CSMD3: variants seen among roughly 807,000 people sequenced by gnomAD.
CSMD3 encodes the protein CUB and Sushi multiple domains 3.
Under a neutral mutation model 435.2 loss-of-function variants are expected in CSMD3, and 177 were observed. That is an observed-to-expected ratio of 0.41 (90% CI 0.36 to 0.46). The LOEUF (loss-of-function observed/expected upper bound fraction) is 0.46, where lower values mean the gene tolerates loss of function less well. CSMD3 is among the 20% of genes least tolerant of loss of function. The pLI is 0.34. For missense variants in CSMD3, 4,265 were observed against 4,504.6 expected, an observed-to-expected ratio of 0.95 and a Z score of 1.52; for synonymous variants, 1,656 against 1,520.5, an observed-to-expected ratio of 1.09 and a Z score of -2.07.
At chr8:112,300,877 G>A (rs1225588403) in intron 53 of CSMD3, among the ~76,000 whole-genome samples, 3 of 152,056 alleles carry the variant, frequency 2.0e-5, no homozygotes, top group Non-Finnish European at 2.9e-5. Context: ...CAATATATAA[G>A]TATAAACTTT....
intron 6 of CSMD3, among the ~76,000 whole-genome samples, chr8:113,000,284 G>T (rs902861072): frequency 3.3e-5 from 5 of 152,012 alleles, no homozygotes; most frequent in Non-Finnish European, 7.4e-5. Flanking sequence ...AAATGGTTCA[G>T]AAAAGAATGA....
At chr8:112,442,237 T>A (rs914006239) in intron 32 of CSMD3, among the ~76,000 whole-genome samples, 2 of 152,216 alleles carry the variant, frequency 1.3e-5, no homozygotes, top group East Asian at 1.9e-4. Flanking sequence ...GCACCAAGAC[T>A]TTCATGAGGG....
intron 9 of CSMD3, among the ~76,000 whole-genome samples, chr8:112,940,537 T>C (rs551680329): frequency 1.4e-4 from 22 of 151,936 alleles, no homozygotes; most frequent in African/African-American, 5.3e-4. Flanking sequence ...TAATTTATTT[T>C]TCAGCATAGA....
intron 1 of CSMD3, among the ~76,000 whole-genome samples, chr8:113,332,513 A>G (rs1019578578): frequency 6.6e-6 from 1 of 151,748 alleles, no homozygotes; most frequent in African/African-American, 2.4e-5. Context: ...AAATAAAATT[A>G]GAGAATAAAT....
chr8:112,716,175 T>C (rs892507884), intron 13 of CSMD3, among the ~76,000 whole-genome samples: 7 of 152,102 alleles, frequency 4.6e-5, no homozygotes, highest in African/African-American at 1.7e-4. Context: ...TTTACAAAAC[T>C]CCATTGTCTC....
chr8:113,186,235 A>G (rs2131957173), intron 3 of CSMD3, among the ~76,000 whole-genome samples: 1 of 152,070 alleles, frequency 6.6e-6, no homozygotes, highest in East Asian at 2.0e-4. Flanking sequence ...TCCTTTTAAT[A>G]AGATAGGTTT....
At chr8:112,951,040 T>C (rs1030872345) in intron 8 of CSMD3, among the ~76,000 whole-genome samples, 2 of 151,906 alleles carry the variant, frequency 1.3e-5, no homozygotes, top group Non-Finnish European at 2.9e-5. Context: ...GTAAGGATAA[T>C]GAGAGAGCTT....
chr8:112,911,277 A>G (rs556148780), intron 10 of CSMD3, among the ~76,000 whole-genome samples: 12 of 150,056 alleles, frequency 8.0e-5, no homozygotes, highest in African/African-American at 2.9e-4. Flanking sequence ...TCTCCAGCTT[A>G]TTAAGATACA....
intron 13 of CSMD3, among the ~76,000 whole-genome samples, chr8:112,794,262 GC>G (rs1369184644): frequency 6.9e-6 from 1 of 144,184 alleles, no homozygotes; most frequent in Non-Finnish European, 1.5e-5. Context: ...TATATCAATT[GC>G]CCCAGATGCT....
At chr8:112,411,741 T>C (rs956809280) in intron 32 of CSMD3, among the ~76,000 whole-genome samples, 1 of 152,076 alleles carries the variant, frequency 6.6e-6, no homozygotes, top group African/African-American at 2.4e-5. Context: ...CCATTCTGTC[T>C]GTAAATGTCT....
chr8:113,019,046 A>T (rs757457369), intron 6 of CSMD3, 21 bp downstream of exon 6: 1 of 1,389,022 alleles, frequency 7.2e-7, no homozygotes, highest in East Asian at 2.3e-5. Flanking sequence ...CAAAAGAGGC[A>T]AAGGTATTCC....
intron 9 of CSMD3, among the ~76,000 whole-genome samples, chr8:112,927,190 C>A (rs535074659): frequency 6.6e-6 from 1 of 151,874 alleles, no homozygotes; most frequent in African/African-American, 2.4e-5. Context: ...GGTTATTTTA[C>A]AATATGAGAT....
chr8:112,390,534 T>G, intron 36 of CSMD3, 130 bp downstream of exon 36: 1 of 760,736 alleles, frequency 1.3e-6, no homozygotes, highest in South Asian at 1.6e-5. Flanking sequence ...AACAAATATC[T>G]TTCTATTCAT....
chr8:112,566,195 T>C, intron 24 of CSMD3, among the ~76,000 whole-genome samples: 1 of 152,008 alleles, frequency 6.6e-6, no homozygotes, highest in East Asian at 1.9e-4. Flanking sequence ...GTTAGAGACA[T>C]GGATTCTAGA....
intron 32 of CSMD3, among the ~76,000 whole-genome samples, chr8:112,424,338 A>G (rs1228088898): frequency 6.6e-6 from 1 of 152,184 alleles, no homozygotes; most frequent in Admixed American, 6.5e-5. Context: ...CTAAACAAAT[A>G]TTTAAAAATT....
chr8:113,031,542 C>G (rs2131241640), intron 5 of CSMD3, among the ~76,000 whole-genome samples: 1 of 151,548 alleles, frequency 6.6e-6, no homozygotes, highest in South Asian at 2.1e-4. Flanking sequence ...AGCTGTTCCT[C>G]TAAAAGGATA....
chr8:112,439,805 C>T (rs1814786965), intron 32 of CSMD3, among the ~76,000 whole-genome samples: 2 of 152,072 alleles, frequency 1.3e-5, no homozygotes, highest in Admixed American at 6.6e-5. Flanking sequence ...AACTCACTCA[C>T]TATCATGATA....
chr8:113,046,612 A>G (rs1343400066), intron 5 of CSMD3, among the ~76,000 whole-genome samples: 1 of 152,136 alleles, frequency 6.6e-6, no homozygotes, highest in Non-Finnish European at 1.5e-5. Flanking sequence ...CCAACAACCT[A>G]TATCAGACAT....
At chr8:112,756,967 C>T (rs892953532) in intron 13 of CSMD3, among the ~76,000 whole-genome samples, 12 of 152,034 alleles carry the variant, frequency 7.9e-5, no homozygotes, top group African/African-American at 1.9e-4. Context: ...CGAGGTTTCA[C>T]CATGTTGGCC....
Sources: gnomAD v4.1 joint callset for allele counts (sites outside exome capture counted in the v4.1 genomes callset) on GRCh38, gnomAD v4.1.1 for gene constraint, MANE v1.5 for transcripts, NCBI Gene and HGNC (gene_info 2026-07-23, HGNC 2026-07-21) for gene names.